The following SEMA3D variants were observed in gnomAD, a reference collection of about 807,000 sequenced individuals.
The protein encoded by SEMA3D is semaphorin-3D.
In SEMA3D, 84 loss-of-function variants were observed where a neutral mutation model predicts 100.1. The observed-to-expected ratio is 0.84, with a 90% CI of 0.70 to 1.01. The LOEUF is 1.01. Ranked by LOEUF, SEMA3D falls within the 50% of genes least tolerant of loss-of-function variation. The pLI is 0.00. For missense variants in SEMA3D, 875 were observed against 934.1 expected, an observed-to-expected ratio of 0.94 and a Z score of 0.82; for synonymous variants, 312 against 320.7, an observed-to-expected ratio of 0.97 and a Z score of 0.29.
intron 3 of SEMA3D, among the ~76,000 whole-genome samples, chr7:85,114,578 T>C (rs1305414494): frequency 2.6e-5 from 4 of 152,150 alleles, no homozygotes; most frequent in Non-Finnish European, 2.9e-5. Flanking sequence ...TGAGGGTGTG[T>C]TGGAAGATAT....
chr7:85,226,603 C>T, the SEMA3D span, among the ~76,000 whole-genome samples: 1 of 152,010 alleles, frequency 6.6e-6, no homozygotes, highest in Non-Finnish European at 1.5e-5. Flanking sequence ...GGATTGTGAA[C>T]TCATAGTTTG....
intron 4 of SEMA3D, among the ~76,000 whole-genome samples, chr7:85,082,522 A>G (rs1380779194): frequency 1.3e-5 from 2 of 152,250 alleles, no homozygotes; most frequent in South Asian, 2.1e-4. Flanking sequence ...TAAAATACTT[A>G]TAATATATGC....
At chr7:85,093,218 C>T (rs1200734072) in intron 4 of SEMA3D, among the ~76,000 whole-genome samples, 2 of 151,938 alleles carry the variant, frequency 1.3e-5, no homozygotes, top group African/African-American at 2.4e-5. Context: ...CAAAGTGTTT[C>T]GTTCCTAAAT....
chr7:85,159,863 T>C, intron 1 of SEMA3D: 1 of 984,900 alleles, frequency 1.0e-6, no homozygotes, highest in Non-Finnish European at 1.2e-6. Context: ...TCAGTAACCA[T>C]TATATGACTG....
chr7:85,187,166 A>C (rs1054629643), upstream of SEMA3D, among the ~76,000 whole-genome samples: 1 of 152,082 alleles, frequency 6.6e-6, no homozygotes, highest in African/African-American at 2.4e-5. Flanking sequence ...AGCGTGCAGA[A>C]GTTCATCCCT....
At chr7:85,203,827 A>G in the SEMA3D span, among the ~76,000 whole-genome samples, 1 of 152,082 alleles carries the variant, frequency 6.6e-6, no homozygotes, top group African/African-American at 2.4e-5. Flanking sequence ...AACAAAAACA[A>G]AAACTTTGAA....
At chr7:85,206,336 G>A in the SEMA3D span, among the ~76,000 whole-genome samples, 1 of 151,830 alleles carries the variant, frequency 6.6e-6, no homozygotes, top group Non-Finnish European at 1.5e-5. Flanking sequence ...AAATTCTTTG[G>A]CCCAGCAGGC....
chr7:85,106,949 C>T (rs1472764945), intron 3 of SEMA3D, among the ~76,000 whole-genome samples: 2 of 152,030 alleles, frequency 1.3e-5, no homozygotes, highest in African/African-American at 2.4e-5. Context: ...GTGGGGATTA[C>T]GGGAACTACA....
intron 3 of SEMA3D, among the ~76,000 whole-genome samples, chr7:85,099,759 G>A (rs866342007): frequency 1.3e-5 from 2 of 151,782 alleles, no homozygotes; most frequent in African/African-American, 4.8e-5. Flanking sequence ...GTTTCAATTT[G>A]TATTTTGTTG....
rs1583877902 is a variant in SEMA3D, at chr7:85,055,827, C to T, written c.751G>A (p.Asp251Asn). The T allele has an allele frequency of 6.3e-7, 1 of 1,575,264 alleles. No individual in the cohort carries two copies. The highest frequency in any genetic ancestry group is 8.7e-7 in the Non-Finnish European group (1 of 1,153,116). Residue 251 changes from aspartate to asparagine, a missense_variant, in exon 9 of 19, where the codon GAC (aspartate) becomes AAC (asparagine). Physicochemically the swap from Asp to Asn is conservative, Grantham distance 23. Coordinates refer to ENST00000284136, the MANE Select transcript of SEMA3D (RefSeq NM_001384900.1). ...AKFIGTFFIP[D>N]TYNPDDDKIY... ...TTATCATCATCTGGATTGTAGGTGTCTGGTATGAAGAAAGTTCCAATAAAT... is the reference window on the plus strand; with the variant it reads ...TTATCATCATCTGGATTGTAGGTGTTTGGTATGAAGAAAGTTCCAATAAAT...
chr7:85,043,681 C>T (rs1460551227), intron 9 of SEMA3D, among the ~76,000 whole-genome samples: 1 of 151,984 alleles, frequency 6.6e-6, no homozygotes, highest in Non-Finnish European at 1.5e-5. Context: ...ATTATGGAGG[C>T]GGGTCTTTCC....
At chr7:85,043,397 G>T (rs1008782674) in intron 9 of SEMA3D, among the ~76,000 whole-genome samples, 2 of 151,894 alleles carry the variant, frequency 1.3e-5, no homozygotes, top group Non-Finnish European at 2.9e-5. Flanking sequence ...ATCTTTTAAA[G>T]AATATTTATC....
the SEMA3D span, among the ~76,000 whole-genome samples, chr7:85,216,213 T>G: frequency 6.6e-6 from 1 of 152,158 alleles, no homozygotes; most frequent in South Asian, 2.1e-4. Flanking sequence ...AGGATACAGG[T>G]TTACTTCATT....
At chr7:85,217,767 G>A in the SEMA3D span, among the ~76,000 whole-genome samples, 1 of 151,952 alleles carries the variant, frequency 6.6e-6, no homozygotes, top group African/African-American at 2.4e-5. Flanking sequence ...CTTTGATATA[G>A]GTGTTTTCCT....
intron 7 of SEMA3D, among the ~76,000 whole-genome samples, chr7:85,066,836 C>A (rs567030803): frequency 6.6e-6 from 1 of 151,144 alleles, no homozygotes; most frequent in East Asian, 2.0e-4. Context: ...AATGAACGAT[C>A]AGGGATAATT....
At chr7:85,073,202 AT>A (rs915842035) in intron 5 of SEMA3D, 121 bp from the exon 6 acceptor site, 1 of 899,762 alleles carries the variant, frequency 1.1e-6, no homozygotes, top group African/African-American at 1.7e-5. Flanking sequence ...ATGAAAAAAG[AT>A]TTATGAGAAA....
At chr7:85,029,143 C>T (rs1304199861) in intron 12 of SEMA3D, 2 of 631,558 alleles carry the variant, frequency 3.2e-6, no homozygotes, top group Admixed American at 4.3e-5. Context: ...CATGTCATTG[C>T]CAAGGATAAA....
Position 85,153,554 on chromosome 7 carries a change from T to TATC in SEMA3D, c.-41+51_-41+53dup, listed in dbSNP as rs1391677931. The TATC allele has an allele frequency of 1.1e-4, 16 of 152,146 alleles. No individual in the cohort carries two copies. In the South Asian group the frequency reaches 3.3e-3, roughly 32 times the overall value. 9.4% of individuals were successfully genotyped at this position (152,146 alleles called of 1,614,324 possible). A position where few individuals can be genotyped will look rare whatever the true frequency, so the allele number is the denominator to read the frequency against. On this transcript the variant is annotated intron_variant, in intron 2 of 18. Transcript: ENST00000284136. Reference sequence around the variant, plus strand: ...AAATGCATCTATCTATCTATCTATCTATCTATCTATCTATCTATCTATCTA... The same window carrying TATC: ...AAATGCATCTATCTATCTATCTATCTATCATCTATCTATCTATCTATCTATCTA...
intron 9 of SEMA3D, among the ~76,000 whole-genome samples, chr7:85,052,535 C>T (rs181545146): frequency 6.6e-6 from 1 of 152,034 alleles, no homozygotes; most frequent in East Asian, 1.9e-4. Context: ...CACAACGCTG[C>T]CTGAAATGCC....
Sources: gnomAD v4.1 joint callset for allele counts (sites outside exome capture counted in the v4.1 genomes callset) on GRCh38, gnomAD v4.1.1 for gene constraint, MANE v1.5 for transcripts, NCBI Gene and HGNC (gene_info 2026-07-23, HGNC 2026-07-21) for gene names.